The following GRM4 variants were observed in gnomAD, a reference collection of about 807,000 sequenced individuals.
GRM4 encodes the protein glutamate metabotropic receptor 4.
In GRM4, 28 loss-of-function variants were observed where a neutral mutation model predicts 81.7. The ratio of observed to expected loss-of-function variants is 0.34; its 90% confidence interval spans 0.25 to 0.47. The LOEUF (loss-of-function observed/expected upper bound fraction) is 0.47, where lower values mean the gene tolerates loss of function less well. Ranked by LOEUF, GRM4 falls within the 20% of genes least tolerant of loss-of-function variation. The pLI is 1.00. For synonymous variants in GRM4, 488 were observed against 528.8 expected (o/e 0.92, Z 1.06); for missense variants, 948 against 1,290.0 (o/e 0.73, Z 4.06).
At position 34,115,485 on chromosome 6, in the gene GRM4, A is replaced by C. The variant is rs188055048; in HGVS notation, c.519+17493T>G. ...GGGAAGCATAACCACCCCCAAGCCC[A>C]AATTGCTGCCCCTTCCCCTGCTCCC... On this transcript the variant is annotated intron_variant, in intron 2 of 10. Coordinates refer to ENST00000538487, the MANE Select transcript of GRM4 (RefSeq NM_000841.4). This position sits in a 1 kb window ranked among gnomAD's most constrained non-coding sequence, Gnocchi z 4.1. 5.0e-3 allele frequency among the ~76,000 whole-genome samples: 756 copies of C among 152,280 alleles called. 7 individuals carry two copies. The highest frequency in any genetic ancestry group is 8.0e-3 in the Non-Finnish European group (546 of 68,014).
chr6:34,036,660 C>T lies in GRM4; in HGVS notation c.1507-57G>A, dbSNP rs566763374. The T allele has an allele frequency of 1.1e-4, 103 of 976,060 alleles. No homozygotes were observed. In the African/African-American group the frequency reaches 1.4e-3, roughly 14 times the overall value. The allele number at this position is 976,060 out of a possible 1,614,324, so 60.5% of individuals were successfully genotyped here. Reference sequence around the variant, plus strand: ...AGAACATGCCACCCGGTGCCCCGGACCATCCTACTGGGTGGTGGCACCTTG... The same window carrying T: ...AGAACATGCCACCCGGTGCCCCGGATCATCCTACTGGGTGGTGGCACCTTG... On this transcript the variant is annotated intron_variant, in intron 8 of 10. Coordinates refer to ENST00000538487, the MANE Select transcript of GRM4 (RefSeq NM_000841.4). The surrounding 1 kb of genome is among the most constrained non-coding windows in gnomAD (Gnocchi z 9.0).
intron 10 of GRM4, chr6:34,024,624 T>G (rs1764043782): frequency 6.6e-6 from 3 of 455,488 alleles, no homozygotes; most frequent in African/African-American, 6.0e-5. Context: ...ATGGGACCAG[T>G]AGGGAGGCAT....
Position 34,078,104 on chromosome 6 carries a change from C to A in GRM4, c.736+13779G>T, listed in dbSNP as rs1767408572. On this transcript the variant is annotated intron_variant, in intron 3 of 10. Transcript: ENST00000538487. The surrounding 1 kb of genome is among the most constrained non-coding windows in gnomAD (Gnocchi z 4.8). ...CTGCCCTCGTGGAGCTGACATCCAT[C>A]TATGAAGCCAACAATAGGGATGAAA... 6.6e-6 allele frequency among the ~76,000 whole-genome samples: 1 copy of A among 152,200 alleles called. No homozygotes were observed. The highest frequency in any genetic ancestry group is 6.5e-5 in the Admixed American group (1 of 15,288).
chr6:34,117,324 T>A (rs111539887), intron 2 of GRM4, among the ~76,000 whole-genome samples: 7 of 152,004 alleles, frequency 4.6e-5, no homozygotes, highest in African/African-American at 1.7e-4. Flanking sequence ...GGAACAAAGA[T>A]GAGGTGGGCG....
rs923151741 is a variant in GRM4, at chr6:34,133,623, G to A, written c.-127C>T. ...GCAGGGGGACTGAGGGCAGCCAACC[G>A]CGTAGCCCATGCTGCTACCCTCTCC... On this transcript the variant is annotated 5_prime_UTR_variant, in exon 2 of 11. Transcript: ENST00000538487. The surrounding 1 kb of genome is among the most constrained non-coding windows in gnomAD (Gnocchi z 6.5). 42 of 1,446,618 alleles carry A rather than the reference G, an allele frequency of 2.9e-5. No homozygotes were observed. Among genetic ancestry groups the A allele is most frequent in the South Asian group, 2.0e-4 (13 of 66,324 alleles). 89.6% of individuals were successfully genotyped at this position (1,446,618 alleles called of 1,614,324 possible).
intron 3 of GRM4, among the ~76,000 whole-genome samples, chr6:34,087,799 T>TACACAC (rs71000022): frequency 0.097 from 8,564 of 88,236 alleles, 768 homozygotes; most frequent in Middle Eastern, 0.17. Context: ...CATGCACCCC[T>TACACAC]ACACACACAC....
intron 2 of GRM4, among the ~76,000 whole-genome samples, chr6:34,123,364 G>C (rs143834860): frequency 6.6e-6 from 1 of 152,170 alleles, no homozygotes; most frequent in Admixed American, 6.5e-5. Context: ...ACCATGCTCC[G>C]TGACTCAGGC....
At chr6:34,075,240 G>A (rs1481457907) in intron 3 of GRM4, among the ~76,000 whole-genome samples, 4 of 152,174 alleles carry the variant, frequency 2.6e-5, no homozygotes, top group African/African-American at 9.7e-5. Flanking sequence ...ACAGGACAAG[G>A]CCCCCAAGTT....
chr6:34,036,050 G>C lies in GRM4; in HGVS notation c.2060C>G (p.Ser687Trp). 2 of 1,614,138 alleles carry C rather than the reference G, an allele frequency of 1.2e-6. No homozygotes were observed. The highest frequency in any genetic ancestry group is 1.7e-6 in the Non-Finnish European group (2 of 1,180,026). ...GCTGATGAAGCGTGGGGCACTGACC[G>C]AGCGCTTGCCCTGCTCGAAGATGCG... Reference protein sequence around the residue: ...IYRIFEQGKRSVSAPRFISPA... With the variant: ...IYRIFEQGKRWVSAPRFISPA... The change falls in exon 9 of 11, where the codon TCG (serine) becomes TGG (tryptophan). Residue 687 changes from serine (S) to tryptophan (W), a missense_variant. Physicochemically the swap from Ser to Trp is radical, Grantham distance 177. Transcript: ENST00000538487. The surrounding 1 kb of genome is among the most constrained non-coding windows in gnomAD (Gnocchi z 9.0).
At chr6:34,154,725 C>T (rs976882432) in intron 1 of GRM4, among the ~76,000 whole-genome samples, 22 of 152,218 alleles carry the variant, frequency 1.4e-4, no homozygotes. Context: ...CACCCCGGCC[C>T]GGCTCTCTGT....
intron 10 of GRM4, among the ~76,000 whole-genome samples, chr6:34,025,326 G>A (rs1389009717): frequency 6.6e-6 from 1 of 152,062 alleles, no homozygotes; most frequent in Non-Finnish European, 1.5e-5. Flanking sequence ...CCCCCTGGGG[G>A]AACTGATAAA....
intron 3 of GRM4, among the ~76,000 whole-genome samples, chr6:34,084,952 G>A (rs1767809058): frequency 6.6e-6 from 1 of 152,052 alleles, no homozygotes. Flanking sequence ...ACTTATTCAG[G>A]CGGGCTCTGC....
At chr6:34,081,278 T>C (rs1448508162) in intron 3 of GRM4, among the ~76,000 whole-genome samples, 1 of 152,222 alleles carries the variant, frequency 6.6e-6, no homozygotes, top group Non-Finnish European at 1.5e-5. Flanking sequence ...TGCTCAGGAC[T>C]TCTGTGCAGG....
At chr6:34,143,994 A>G (rs1042130952) in intron 1 of GRM4, among the ~76,000 whole-genome samples, 1 of 152,248 alleles carries the variant, frequency 6.6e-6, no homozygotes, top group African/African-American at 2.4e-5. Flanking sequence ...GCACCCAGCT[A>G]GGCAAGCCCA....
At chr6:34,122,614 C>CG (rs1355522684) in intron 2 of GRM4, among the ~76,000 whole-genome samples, 1 of 129,330 alleles carries the variant, frequency 7.7e-6, no homozygotes, top group Admixed American at 7.8e-5. Context: ...CAGCGGTGGG[C>CG]GGGGGGTGGG....
intron 2 of GRM4, among the ~76,000 whole-genome samples, chr6:34,112,183 A>C (rs1162621525): frequency 6.6e-6 from 1 of 152,168 alleles, no homozygotes; most frequent in Non-Finnish European, 1.5e-5. Context: ...CCATCCCCCC[A>C]CCTTCCATCT....
chr6:34,128,481 G>A (rs540499487), intron 2 of GRM4, among the ~76,000 whole-genome samples: 20 of 150,996 alleles, frequency 1.3e-4, no homozygotes, highest in Admixed American at 3.3e-4. Flanking sequence ...GGGTTCAAGC[G>A]ATTCATCTGC....
Position 34,022,778 on chromosome 6 carries a change from A to T in GRM4, c.*43T>A. The T allele has an allele frequency of 1.3e-6, 2 of 1,574,176 alleles. No homozygotes were observed. Among genetic ancestry groups the T allele is most frequent in the South Asian group, 1.1e-5 (1 of 90,268 alleles). On this transcript the variant is annotated 3_prime_UTR_variant, in exon 11 of 11. Transcript: ENST00000538487. The surrounding 1 kb of genome is among the most constrained non-coding windows in gnomAD (Gnocchi z 5.6). ...GGCCCTGGCCCGACGCACCTTCCAC[A>T]GGGTCACGGCTCCTCCTCCTGCTGC...
intron 2 of GRM4, among the ~76,000 whole-genome samples, chr6:34,098,399 C>T (rs914213534): frequency 6.6e-6 from 1 of 152,240 alleles, no homozygotes; most frequent in Non-Finnish European, 1.5e-5. Context: ...AGCTCTGCCC[C>T]ACCCTCCTTG....
Sources: allele counts gnomAD v4.1 joint callset (sites outside exome capture counted in the v4.1 genomes callset), GRCh38; gene constraint gnomAD v4.1.1; non-coding constraint Gnocchi (gnomAD v3.1); transcripts MANE v1.5; gene names NCBI Gene and HGNC (gene_info 2026-07-23, HGNC 2026-07-21).